ASB4: variants seen among roughly 807,000 people sequenced by gnomAD.
The protein encoded by ASB4 is ankyrin repeat and SOCS box protein 4.
A neutral mutation model predicts 38.6 loss-of-function variants in ASB4; 35 were observed. The ratio of observed to expected loss-of-function variants is 0.91; its 90% CI spans 0.69 to 1.20. The LOEUF (loss-of-function observed/expected upper bound fraction) is 1.20, where lower values mean the gene tolerates loss of function less well. ASB4 is among the 50% of genes most tolerant of loss of function. The pLI, the probability that ASB4 is intolerant of heterozygous loss-of-function variation, is 0.00. For missense variants in ASB4, 557 were observed against 527.2 expected (o/e 1.06, Z -0.55); for synonymous variants, 195 against 201.3 (o/e 0.97, Z 0.26).
chr7:95,491,941 C>T lies in ASB4; in HGVS notation c.188-3817C>T, dbSNP rs528655468. ...CTGAATTATTCAAAAATCCCTAGCC[C>T]CACATTACCACCAAAGTTTTGCAAC... On this transcript the variant is annotated intron_variant, in intron 1 of 4. Transcript: ENST00000325885. Among the ~76,000 whole-genome samples the T allele has an allele frequency of 2.6e-5, 4 of 152,168 alleles. No individual in the cohort carries two copies. The South Asian group carries it at 8.3e-4, about 32-fold the overall frequency.
chr7:95,515,532 C>T (rs1223769369), intron 2 of ASB4, among the ~76,000 whole-genome samples: 1 of 151,542 alleles, frequency 6.6e-6, no homozygotes, highest in Non-Finnish European at 1.5e-5. Flanking sequence ...TCTCTTGCCT[C>T]AGCCTCCAGA....
Position 95,486,072 on chromosome 7 carries a change from A to T in ASB4, c.101A>T (p.Lys34Met), listed in dbSNP as rs765331765. 1 of 1,614,170 alleles carries T rather than the reference A, an allele frequency of 6.2e-7. No individual in the cohort carries two copies. The highest frequency in any genetic ancestry group is 8.5e-7 in the Non-Finnish European group (1 of 1,180,010). ...AAGTCCAATGACTTCGGAAAATTGA[A>T]GGCTATTTTGATCCAAAGGCAAATA... The part of the protein sequence containing the change: ...ALKSNDFGKL[K>M]AILIQRQIDV... Residue 34 changes from lysine to methionine, a missense_variant, in exon 1 of 5, where the codon AAG (lysine) becomes ATG (methionine). Physicochemically the swap from Lys to Met is moderately conservative, Grantham distance 95 (BLOSUM62 -1). Transcript: ENST00000325885.
the ASB4 span, among the ~76,000 whole-genome samples, chr7:95,549,876 A>G: frequency 6.6e-6 from 1 of 152,154 alleles, no homozygotes; most frequent in Non-Finnish European, 1.5e-5. Context: ...TCTTCTGAAA[A>G]GGGAGTTTGA....
At chr7:95,549,569 T>TTA in the ASB4 span, among the ~76,000 whole-genome samples, 4 of 152,048 alleles carry the variant, frequency 2.6e-5, no homozygotes, top group African/African-American at 7.2e-5. Context: ...AGTGCTGGGA[T>TTA]TATAGGCGTG....
At chr7:95,515,474 G>A (rs1249986694) in intron 2 of ASB4, among the ~76,000 whole-genome samples, 5 of 139,936 alleles carry the variant, frequency 3.6e-5, no homozygotes, top group African/African-American at 1.4e-4. Flanking sequence ...GGAGTGCAGT[G>A]ATGTGATCTC....
chr7:95,518,989 C>G (rs561638763), intron 2 of ASB4, among the ~76,000 whole-genome samples: 1 of 152,186 alleles, frequency 6.6e-6, no homozygotes, highest in South Asian at 2.1e-4. Flanking sequence ...GAATGAGGTG[C>G]ACAGGTGAGG....
intron 1 of ASB4, among the ~76,000 whole-genome samples, chr7:95,494,297 TG>T (rs1033215754): frequency 6.6e-6 from 1 of 152,246 alleles, no homozygotes; most frequent in African/African-American, 2.4e-5. Context: ...AGATTTCTTA[TG>T]ACCTTATCTA....
upstream of ASB4, among the ~76,000 whole-genome samples, chr7:95,475,021 C>A (rs1789963063): frequency 6.6e-6 from 1 of 152,114 alleles, no homozygotes; most frequent in Non-Finnish European, 1.5e-5. Flanking sequence ...TATACCCTGG[C>A]AAATGTTCTG....
At chr7:95,512,619 C>T (rs777915990) in intron 2 of ASB4, among the ~76,000 whole-genome samples, 7 of 151,736 alleles carry the variant, frequency 4.6e-5, no homozygotes, top group Non-Finnish European at 1.0e-4. Flanking sequence ...TACAAAGGTA[C>T]ATAAAATCTA....
At chr7:95,518,345 A>C (rs1585812310) in intron 2 of ASB4, among the ~76,000 whole-genome samples, 1 of 152,354 alleles carries the variant, frequency 6.6e-6, no homozygotes. Flanking sequence ...TCTTCTCCCC[A>C]TGATATTGTG....
intron 1 of ASB4, among the ~76,000 whole-genome samples, chr7:95,493,392 A>ATG (rs901517397): frequency 7.8e-4 from 30 of 38,282 alleles, no homozygotes; most frequent in Admixed American, 3.7e-3. Flanking sequence ...GTGTGTGTGT[A>ATG]TGTGTGTGTG....
At chr7:95,505,853 C>T (rs1790401179) in intron 2 of ASB4, among the ~76,000 whole-genome samples, 3 of 152,010 alleles carry the variant, frequency 2.0e-5, no homozygotes, top group Admixed American at 2.0e-4. Flanking sequence ...ATACTCATTG[C>T]TATTTAACCT....
chr7:95,550,186 T>C, the ASB4 span, among the ~76,000 whole-genome samples: 2 of 152,270 alleles, frequency 1.3e-5, no homozygotes, highest in African/African-American at 2.4e-5. Flanking sequence ...AGACTGGACC[T>C]GGGGACTATC....
At chr7:95,478,518 C>T (rs1244746853) in exon 1 of ASB4, 1 of 152,186 alleles carries the variant, frequency 6.6e-6, no homozygotes, top group Non-Finnish European at 1.5e-5. Flanking sequence ...GCCATTCTGA[C>T]ATCCACCACC....
chr7:95,515,245 TTCTTTCCTTCTTTCTTTCTTTCTC>T (rs1562817110), intron 2 of ASB4, among the ~76,000 whole-genome samples: 2 of 142,792 alleles, frequency 1.4e-5, no homozygotes, highest in African/African-American at 5.2e-5. Flanking sequence ...CTTTCTTTCT[TTCTTTCCTTCTTTCTTTCTTTCTC>T]TTTCTTTCTT....
chr7:95,487,565 A>T (rs78446092), intron 1 of ASB4, among the ~76,000 whole-genome samples: 4,650 of 152,280 alleles, frequency 0.031, 231 homozygotes, highest in African/African-American at 0.11. Context: ...TTCTGAGGAT[A>T]TAAGAAACCA....
chr7:95,515,170 T>TC (rs1562816894), intron 2 of ASB4, among the ~76,000 whole-genome samples: 14 of 42,174 alleles, frequency 3.3e-4, no homozygotes, highest in Non-Finnish European at 7.1e-4. Context: ...TCTCTTTCTC[T>TC]TTCTTTCTTT....
chr7:95,494,629 A>G (rs537577946), intron 1 of ASB4, among the ~76,000 whole-genome samples: 2 of 152,332 alleles, frequency 1.3e-5, no homozygotes, highest in South Asian at 4.1e-4. Context: ...TCTTGCCCTC[A>G]GTATTTTTTC....
chr7:95,495,425 T>A (rs1444981430), intron 1 of ASB4, among the ~76,000 whole-genome samples: 1 of 151,988 alleles, frequency 6.6e-6, no homozygotes, highest in South Asian at 2.1e-4. Context: ...GCATGCAAAA[T>A]AAAATACAAT....
Sources: gnomAD v4.1 joint callset for allele counts (sites outside exome capture counted in the v4.1 genomes callset) on GRCh38, gnomAD v4.1.1 for gene constraint, MANE v1.5 for transcripts, NCBI Gene and HGNC (gene_info 2026-07-23, HGNC 2026-07-21) for gene names.